The following PTPRD variants were observed in gnomAD, a reference collection of about 807,000 sequenced individuals.
The protein encoded by PTPRD is receptor-type tyrosine-protein phosphatase delta.
A neutral mutation model predicts 214.5 loss-of-function variants in PTPRD; 34 were observed. The observed-to-expected ratio is 0.16, with a 90% CI of 0.12 to 0.21. The LOEUF (loss-of-function observed/expected upper bound fraction) is 0.21. Ranked by LOEUF, PTPRD falls within the 10% of genes least tolerant of loss-of-function variation. PTPRD has a pLI of 1.00. For synonymous variants in PTPRD, 1,128 were observed against 845.7 expected (o/e 1.33, Z -5.79); for missense variants, 2,545 against 2,398.7 (o/e 1.06, Z -1.27).
intron 5 of PTPRD, among the ~76,000 whole-genome samples, chr9:9,833,326 C>A (rs887254841): frequency 6.6e-6 from 1 of 151,870 alleles, no homozygotes; most frequent in Non-Finnish European, 1.5e-5. Context: ...GCCCCACAAG[C>A]CACAAAAACC....
intron 27 of PTPRD, among the ~76,000 whole-genome samples, chr9:8,486,843 C>T (rs1157457491): frequency 6.6e-6 from 1 of 152,156 alleles, no homozygotes; most frequent in African/African-American, 2.4e-5. Flanking sequence ...ATTATTATCT[C>T]TATCTTCTAT....
chr9:8,812,834 A>C (rs2096838872), intron 11 of PTPRD, among the ~76,000 whole-genome samples: 1 of 151,906 alleles, frequency 6.6e-6, no homozygotes, highest in South Asian at 2.1e-4. Flanking sequence ...CTAGTTGCCC[A>C]CATCTTAAGG....
At chr9:9,996,607 G>A (rs1163172746) in intron 4 of PTPRD, among the ~76,000 whole-genome samples, 1 of 152,166 alleles carries the variant, frequency 6.6e-6, no homozygotes, top group African/African-American at 2.4e-5. Context: ...TATGTAAACT[G>A]CCTTGCTAAG....
At chr9:10,421,139 T>C (rs1172197138) in intron 2 of PTPRD, among the ~76,000 whole-genome samples, 2 of 151,844 alleles carry the variant, frequency 1.3e-5, no homozygotes, top group Non-Finnish European at 2.9e-5. Context: ...TGGGCTGCAT[T>C]CAAAGCCATC....
chr9:9,254,453 G>A (rs1182812226), intron 9 of PTPRD, among the ~76,000 whole-genome samples: 1 of 152,082 alleles, frequency 6.6e-6, no homozygotes, highest in Admixed American at 6.6e-5. Context: ...GCTACCTAAA[G>A]AAGAGGTATA....
chr9:10,160,549 C>G (rs2099121421), intron 3 of PTPRD, among the ~76,000 whole-genome samples: 1 of 151,822 alleles, frequency 6.6e-6, no homozygotes, highest in African/African-American at 2.4e-5. Context: ...TAAAAATCCT[C>G]AAAAACTGGA....
At chr9:10,411,262 A>G (rs2098433294) in intron 2 of PTPRD, among the ~76,000 whole-genome samples, 1 of 151,654 alleles carries the variant, frequency 6.6e-6, no homozygotes, top group African/African-American at 2.4e-5. Context: ...TCCCAGACCA[A>G]TTTTGAAGGA....
chr9:8,769,933 A>C (rs2095068923), intron 11 of PTPRD, among the ~76,000 whole-genome samples: 2 of 152,166 alleles, frequency 1.3e-5, no homozygotes, highest in African/African-American at 4.8e-5. Flanking sequence ...TAGGAATAAG[A>C]AATGATCTGC....
At chr9:9,448,346 A>G (rs2091123797) in intron 8 of PTPRD, among the ~76,000 whole-genome samples, 1 of 151,952 alleles carries the variant, frequency 6.6e-6, no homozygotes, top group Admixed American at 6.6e-5. Flanking sequence ...GTGAGAGGTG[A>G]TTGGATCATG....
At chr9:8,605,278 T>G (rs2095138279) in intron 14 of PTPRD, among the ~76,000 whole-genome samples, 1 of 152,208 alleles carries the variant, frequency 6.6e-6, no homozygotes, top group Non-Finnish European at 1.5e-5. Flanking sequence ...AAGCTGCAAG[T>G]GCTAAGCATA....
In PTPRD at chr9:9,918,942, T is replaced by C. The variant is rs73402637; in HGVS notation, c.-368+19565A>G. 5.7e-3 allele frequency among the ~76,000 whole-genome samples: 860 copies of C among 152,152 alleles called. 6 individuals carry two copies. The highest frequency in any genetic ancestry group is 0.014 in the African/African-American group (583 of 41,544). The stretch of plus-strand genomic sequence containing the variant: ...ATATACAGTACAGTCCTCAGAAAAA[T>C]GGCATATAGTTACAGATCAATGAAT... On this transcript the variant is annotated intron_variant, in intron 5 of 45. Transcript: ENST00000381196.
chr9:10,483,401 G>C (rs1304660281), intron 2 of PTPRD, among the ~76,000 whole-genome samples: 2 of 151,822 alleles, frequency 1.3e-5, no homozygotes, highest in Non-Finnish European at 2.9e-5. Flanking sequence ...GACCCCAAAA[G>C]CAAATGCAAG....
chr9:10,455,543 C>T (rs1465782794), intron 2 of PTPRD, among the ~76,000 whole-genome samples: 2 of 151,662 alleles, frequency 1.3e-5, no homozygotes, highest in Non-Finnish European at 3.0e-5. Context: ...AACCTGCCAT[C>T]ACCCACATTA....
chr9:10,294,166 G>A (rs969566727), intron 3 of PTPRD, among the ~76,000 whole-genome samples: 2 of 151,990 alleles, frequency 1.3e-5, no homozygotes. Context: ...AGTAAACACT[G>A]CCCAAAAACC....
intron 4 of PTPRD, among the ~76,000 whole-genome samples, chr9:10,025,234 T>C (rs2096901411): frequency 6.6e-6 from 1 of 152,176 alleles, no homozygotes; most frequent in African/African-American, 2.4e-5. Context: ...TGAACTACTT[T>C]ACAGTCCCAC....
intron 7 of PTPRD, among the ~76,000 whole-genome samples, chr9:9,655,164 G>A (rs1412216455): frequency 6.6e-6 from 1 of 151,962 alleles, no homozygotes; most frequent in Non-Finnish European, 1.5e-5. Context: ...AAGAGAATAA[G>A]ACAAGCCACA....
At chr9:9,493,381 C>T (rs1271786951) in intron 8 of PTPRD, among the ~76,000 whole-genome samples, 1 of 152,170 alleles carries the variant, frequency 6.6e-6, no homozygotes, top group Non-Finnish European at 1.5e-5. Context: ...ACTAAGAGCT[C>T]TGATGAAGAT....
At chr9:9,794,546 G>A (rs953778024) in intron 5 of PTPRD, among the ~76,000 whole-genome samples, 6 of 152,000 alleles carry the variant, frequency 3.9e-5, no homozygotes, top group Non-Finnish European at 8.8e-5. Flanking sequence ...GATACTGAAC[G>A]ATAAGCTAAT....
At chr9:9,004,952 C>A (rs913290922) in intron 11 of PTPRD, among the ~76,000 whole-genome samples, 23 of 152,088 alleles carry the variant, frequency 1.5e-4, no homozygotes, top group African/African-American at 5.6e-4. Flanking sequence ...AGCTAATTTT[C>A]AGTGTCATTT....
Sources: gnomAD v4.1 joint callset for allele counts (sites outside exome capture counted in the v4.1 genomes callset) on GRCh38, gnomAD v4.1.1 for gene constraint, MANE v1.5 for transcripts, NCBI Gene and HGNC (gene_info 2026-07-23, HGNC 2026-07-21) for gene names.